TVP23C: variants seen among roughly 807,000 people sequenced by gnomAD.
The protein encoded by TVP23C is trans-golgi network vesicle protein 23 homolog C.
Under a neutral mutation model 28.7 loss-of-function variants are expected in TVP23C, and 19 were observed. The observed-to-expected ratio is 0.66, with a 90% CI of 0.46 to 0.97. TVP23C has a LOEUF of 0.97. Among genes scored for constraint, TVP23C ranks in the 50% least tolerant of loss-of-function variants. The pLI is 0.00. For synonymous variants in TVP23C, 68 were observed against 81.7 expected, an observed-to-expected ratio of 0.83 and a Z score of 0.90; for missense variants, 186 against 241.3, an observed-to-expected ratio of 0.77 and a Z score of 1.52.
Position 15,538,033 on chromosome 17 carries a change from C to G in TVP23C, c.*2379G>C. On this transcript the variant is annotated 3_prime_UTR_variant, in exon 6 of 6. Coordinates refer to ENST00000518321, the MANE Select transcript of TVP23C (RefSeq NM_001135036.2). Reference sequence around the variant, plus strand: ...TTTAAGTGGAAAAACAAAGCCAACACTCCTCGTTGCAACATGGACTAAGCT... The same window carrying G: ...TTTAAGTGGAAAAACAAAGCCAACAGTCCTCGTTGCAACATGGACTAAGCT... 2 of 1,541,836 alleles carry G rather than the reference C, an allele frequency of 1.3e-6. No individual in the cohort carries two copies. The highest frequency in any genetic ancestry group is 1.7e-6 in the Non-Finnish European group (2 of 1,145,206).
intron 5 of TVP23C, among the ~76,000 whole-genome samples, chr17:15,523,077 T>C (rs1982550607): frequency 6.6e-6 from 1 of 151,972 alleles, no homozygotes; most frequent in Non-Finnish European, 1.5e-5. Flanking sequence ...TGGTGCGATC[T>C]CGGCTCACTG....
exon 6 of TVP23C, chr17:15,502,824 CT>C (rs1981529484): frequency 6.5e-7 from 1 of 1,536,048 alleles, no homozygotes. Context: ...CTCTCTCTCT[CT>C]CTCTCTCCTG....
intron 5 of TVP23C, among the ~76,000 whole-genome samples, chr17:15,519,357 A>AGAG (rs1188595526): frequency 2.6e-5 from 4 of 152,082 alleles, no homozygotes; most frequent in Admixed American, 6.6e-5. Context: ...CTGTAATCCC[A>AGAG]GAGCTTTGGA....
At chr17:15,528,200 T>C (rs1262191599) in intron 5 of TVP23C, among the ~76,000 whole-genome samples, 2 of 152,250 alleles carry the variant, frequency 1.3e-5, no homozygotes, top group African/African-American at 4.8e-5. Context: ...GAGACTTGAT[T>C]TGAGATCTCT....
intron 5 of TVP23C, among the ~76,000 whole-genome samples, chr17:15,522,416 T>A (rs1333936696): frequency 2.0e-5 from 3 of 151,868 alleles, no homozygotes; most frequent in African/African-American, 7.3e-5. Context: ...TATAAATAAA[T>A]AAGGAAAAAA....
intron 5 of TVP23C, among the ~76,000 whole-genome samples, chr17:15,527,508 CA>C (rs1982776872): frequency 6.6e-6 from 1 of 152,162 alleles, no homozygotes; most frequent in East Asian, 1.9e-4. Context: ...TTTAGCTTAG[CA>C]ATTCGGTTTT....
chr17:15,507,997 C>A (rs1465351209), intron 5 of TVP23C, among the ~76,000 whole-genome samples: 2 of 152,150 alleles, frequency 1.3e-5, no homozygotes, highest in Non-Finnish European at 2.9e-5. Flanking sequence ...AGCATAGTGA[C>A]TGCCATATTG....
intron 5 of TVP23C, among the ~76,000 whole-genome samples, chr17:15,505,847 C>T (rs949474504): frequency 5.9e-5 from 9 of 152,336 alleles, no homozygotes; most frequent in South Asian, 4.1e-4. Context: ...CGGCTGCGTA[C>T]GGTGTACTGG....
rs1190094877 is a variant in TVP23C, at chr17:15,538,691, G to A, written c.*1721C>T. On this transcript the variant is annotated 3_prime_UTR_variant, in exon 6 of 6. Coordinates refer to ENST00000518321, the MANE Select transcript of TVP23C (RefSeq NM_001135036.2). The stretch of plus-strand genomic sequence containing the variant: ...TCCAGTTTGTCTCATTTGAGCAGAC[G>A]CCGGATACCATGTAAGACACTAACC... 86 of 985,236 alleles carry A rather than the reference G, an allele frequency of 8.7e-5. No homozygotes were observed. In the South Asian group the frequency reaches 1.0e-3, roughly 12 times the overall value. 61.0% of individuals were successfully genotyped at this position (985,236 alleles called of 1,614,324 possible). A position where few individuals can be genotyped will look rare whatever the true frequency, so the allele number is the denominator to read the frequency against.
chr17:15,509,179 A>C (rs1597503234), intron 5 of TVP23C, among the ~76,000 whole-genome samples: 2 of 152,258 alleles, frequency 1.3e-5, no homozygotes, highest in South Asian at 2.1e-4. Flanking sequence ...TTTTCTTGCT[A>C]TATCAGCTCC....
intron 3 of TVP23C, among the ~76,000 whole-genome samples, chr17:15,548,521 T>C (rs1364398838): frequency 1.1e-4 from 16 of 152,212 alleles, no homozygotes; most frequent in Non-Finnish European, 1.0e-4. Context: ...ATCATTAAAT[T>C]ATGAATGTAG....
At chr17:15,562,132 T>C (rs181233053) in intron 1 of TVP23C, 161 of 152,360 alleles carry the variant, frequency 1.1e-3, no homozygotes, top group Admixed American at 2.9e-3. Flanking sequence ...GGCTGCTCTA[T>C]GGAGTAGCCA....
In TVP23C at chr17:15,540,020, G is replaced by A. The variant is rs11649792; in HGVS notation, c.*392C>T. The A allele has an allele frequency of 0.54, 420,810 of 782,900 alleles. 120,253 individuals are homozygous for A. Among genetic ancestry groups the A allele is most frequent in the Non-Finnish European group, 0.58 (367,758 of 629,924 alleles). 48.5% of individuals were successfully genotyped at this position (782,900 alleles called of 1,614,324 possible). A position where few individuals can be genotyped will look rare whatever the true frequency, so the allele number is the denominator to read the frequency against. Reference sequence around the variant, plus strand: ...AGGCAGGAGAATCACATGAACCCGGGGGGCAGAGGTTGCAGTGAGCCGAGA... The same window carrying A: ...AGGCAGGAGAATCACATGAACCCGGAGGGCAGAGGTTGCAGTGAGCCGAGA... On this transcript the variant is annotated 3_prime_UTR_variant, in exon 6 of 6. Transcript: ENST00000518321.
At chr17:15,543,676 C>T (rs999789854) in intron 5 of TVP23C, among the ~76,000 whole-genome samples, 1 of 150,598 alleles carries the variant, frequency 6.6e-6, no homozygotes, top group Admixed American at 6.6e-5. Context: ...CTAACATCCC[C>T]TACTGTATTT....
chr17:15,552,468 C>T (rs973723687), intron 3 of TVP23C, among the ~76,000 whole-genome samples: 4 of 152,122 alleles, frequency 2.6e-5, no homozygotes, highest in Middle Eastern at 3.4e-3. Context: ...GATCACTTGA[C>T]GTCAGAAGTT....
At chr17:15,517,450 G>C (rs1313526210) in intron 5 of TVP23C, among the ~76,000 whole-genome samples, 2 of 152,200 alleles carry the variant, frequency 1.3e-5, no homozygotes, top group Non-Finnish European at 2.9e-5. Context: ...AGTATTAGCT[G>C]TCTGACCCTC....
chr17:15,551,841 A>G (rs1983906356), intron 3 of TVP23C, among the ~76,000 whole-genome samples: 2 of 152,208 alleles, frequency 1.3e-5, no homozygotes, highest in South Asian at 4.1e-4. Context: ...ATTGAGATTT[A>G]TAACAATTAC....
rs566146608 is a variant in TVP23C at position 15,545,720 on chromosome 17, T to C, written c.462+65A>G. 5.2e-6 allele frequency: 8 copies of C among 1,552,648 alleles called. No homozygotes were observed. The Admixed American group carries it at 1.2e-4, about 23-fold the overall frequency. Reference sequence around the variant, plus strand: ...AATGATAAGGACTCAGTTGCAGTTGTTGCTTCCTATGATTACCATCAGACA... The same window carrying C: ...AATGATAAGGACTCAGTTGCAGTTGCTGCTTCCTATGATTACCATCAGACA... On this transcript the variant is annotated intron_variant, in intron 5 of 5. Coordinates refer to ENST00000518321, the MANE Select transcript of TVP23C (RefSeq NM_001135036.2).
chr17:15,553,707 G>A lies in TVP23C; in HGVS notation c.218C>T (p.Ser73Leu), dbSNP rs199907331. 272 of 1,609,250 alleles carry A rather than the reference G, an allele frequency of 1.7e-4. No individual in the cohort carries two copies. Among genetic ancestry groups the A allele is most frequent in the Non-Finnish European group, 2.1e-4 (248 of 1,178,704 alleles). ...TACCTTCACTGCCCAAAAGTCACAC[G>A]ACAACAACAAGATAATTGTAACCAT... ...TCMVTIILLL[S>L]CDFWAVKNVT... The change falls in exon 3 of 6, where the codon TCG becomes TTG. Residue 73 changes from serine to leucine, a missense_variant. Physicochemically the swap from Ser to Leu is moderately radical, Grantham distance 145. This residue lies in a region of TVP23C where 92 missense variants were observed against 94.3 expected (regional missense o/e 0.98). Transcript: ENST00000518321.
Sources: gnomAD v4.1 joint callset for allele counts (sites outside exome capture counted in the v4.1 genomes callset) on GRCh38, gnomAD v4.1.1 for gene constraint, gnomAD v4.1.1 regional missense constraint, MANE v1.5 for transcripts, NCBI Gene and HGNC (gene_info 2026-07-23, HGNC 2026-07-21) for gene names.